Variants in TAS2R1 observed in about 807,000 individuals in gnomAD.
TAS2R1 encodes taste receptor type 2 member 1.
For synonymous variants in TAS2R1, 141 were observed against 134.2 expected (o/e 1.05, Z -0.35); for missense variants, 370 against 353.4 (o/e 1.05, Z -0.38).
the TAS2R1 span, among the ~76,000 whole-genome samples, chr5:9,831,088 AAAGAAG>A: frequency 1.3e-5 from 2 of 152,226 alleles, no homozygotes; most frequent in African/African-American, 4.8e-5. Context: ...ACATTTACAA[AAAGAAG>A]AAGGAAATCT....
At chr5:9,707,493 G>A (rs145793966) in intron 1 of TAS2R1, among the ~76,000 whole-genome samples, 10 of 152,310 alleles carry the variant, frequency 6.6e-5, no homozygotes, top group African/African-American at 2.4e-4. Flanking sequence ...GACCAGCCTG[G>A]CCAACATGGG....
chr5:9,627,582 G>C lies in TAS2R1; in HGVS notation c.*1551C>G, dbSNP rs1275637455. Among the ~76,000 whole-genome samples, 1 of 152,166 alleles carries C rather than the reference G, an allele frequency of 6.6e-6. No homozygotes were observed. The highest frequency in any genetic ancestry group is 2.4e-5 in the African/African-American group (1 of 41,444). On this transcript the variant is annotated 3_prime_UTR_variant, in exon 1 of 1. Coordinates refer to ENST00000382492, the MANE Select transcript of TAS2R1 (RefSeq NM_019599.3). ...CACTCTTTCAGGTACACGTATCACA[G>C]ATTCAAGGAACAGAATATTCTCTGA...
At chr5:9,704,208 G>A (rs929224259) in intron 1 of TAS2R1, among the ~76,000 whole-genome samples, 11 of 152,202 alleles carry the variant, frequency 7.2e-5, no homozygotes, top group Non-Finnish European at 1.5e-4. Flanking sequence ...GACCCCATGA[G>A]CTTAAGAGTA....
the TAS2R1 span, among the ~76,000 whole-genome samples, chr5:9,725,826 T>TCCAGTGCGGGATCCACTGGGTGAAGCC: frequency 5.3e-5 from 8 of 152,138 alleles, no homozygotes; most frequent in African/African-American, 1.9e-4. Context: ...CCTTTATGTC[T>TCCAGTGCGGGATCCACTGGGTGAAGCC]AGTTAAGGGA....
At chr5:9,777,441 T>C in the TAS2R1 span, among the ~76,000 whole-genome samples, 2 of 152,250 alleles carry the variant, frequency 1.3e-5, no homozygotes, top group Non-Finnish European at 2.9e-5. Flanking sequence ...GATCATGACA[T>C]TGAAGCAATT....
intron 2 of TAS2R1, among the ~76,000 whole-genome samples, chr5:9,648,790 C>T (rs184666102): frequency 1.3e-5 from 2 of 152,118 alleles, no homozygotes; most frequent in East Asian, 3.9e-4. Context: ...TACATATGGA[C>T]CTCAAGCCAA....
chr5:9,718,168 G>A, the TAS2R1 span, among the ~76,000 whole-genome samples: 57,783 of 148,026 alleles, frequency 0.39, 12,198 homozygotes, highest in African/African-American at 0.57. Context: ...ACGGTGTTTC[G>A]CCGTGTTGGC....
At chr5:9,771,199 A>G in the TAS2R1 span, among the ~76,000 whole-genome samples, 301 of 152,158 alleles carry the variant, frequency 2.0e-3, no homozygotes, top group Non-Finnish European at 2.3e-3. Flanking sequence ...TATCACATTG[A>G]TTGCCAGTGT....
At chr5:9,881,606 T>A in the TAS2R1 span, among the ~76,000 whole-genome samples, 1 of 152,170 alleles carries the variant, frequency 6.6e-6, no homozygotes, top group African/African-American at 2.4e-5. Context: ...AACTTCAAAC[T>A]ATATTACAAG....
chr5:9,828,132 A>T, the TAS2R1 span, among the ~76,000 whole-genome samples: 7 of 150,880 alleles, frequency 4.6e-5, no homozygotes, highest in Non-Finnish European at 8.9e-5. Context: ...TTATTTATTT[A>T]TTTATTTTTT....
At chr5:9,684,302 AAG>A (rs1211907370) in intron 1 of TAS2R1, among the ~76,000 whole-genome samples, 1 of 152,220 alleles carries the variant, frequency 6.6e-6, no homozygotes, top group Non-Finnish European at 1.5e-5. Flanking sequence ...CAAGCACAGA[AAG>A]AGAAATACCT....
the TAS2R1 span, among the ~76,000 whole-genome samples, chr5:9,808,801 T>C: frequency 1.1e-3 from 162 of 152,262 alleles, no homozygotes; most frequent in African/African-American, 3.7e-3. Context: ...AGTTCCTCCT[T>C]GGTCTCAAAG....
the TAS2R1 span, among the ~76,000 whole-genome samples, chr5:9,770,021 G>C: frequency 6.6e-6 from 1 of 151,972 alleles, no homozygotes; most frequent in Non-Finnish European, 1.5e-5. Context: ...TTTCCCCAAT[G>C]TTTTATTGTA....
chr5:9,872,927 C>T, the TAS2R1 span, among the ~76,000 whole-genome samples: 1 of 152,190 alleles, frequency 6.6e-6, no homozygotes, highest in East Asian at 1.9e-4. Context: ...ATCTGTCAGA[C>T]ATGCTCTGGC....
At chr5:9,827,594 G>A in the TAS2R1 span, among the ~76,000 whole-genome samples, 5 of 78,872 alleles carry the variant, frequency 6.3e-5, no homozygotes, top group East Asian at 2.2e-3. Flanking sequence ...GGGTGTGGTG[G>A]CATGCACACA....
chr5:9,830,276 T>C, the TAS2R1 span, among the ~76,000 whole-genome samples: 1 of 151,940 alleles, frequency 6.6e-6, no homozygotes, highest in Non-Finnish European at 1.5e-5. Flanking sequence ...TAGTTAGATA[T>C]AGACAGATGA....
At chr5:9,802,302 C>T in the TAS2R1 span, among the ~76,000 whole-genome samples, 84 of 152,238 alleles carry the variant, frequency 5.5e-4, no homozygotes, top group African/African-American at 1.8e-3. Flanking sequence ...AGCTCCTCTG[C>T]GTGGCTAGAC....
At position 9,672,132 on chromosome 5, in the gene TAS2R1, A is replaced by T. The variant is rs6873833; in HGVS notation, c.-241-12551T>A. 9.5e-3 allele frequency among the ~76,000 whole-genome samples: 1,454 copies of T among 152,298 alleles called. 24 individuals are homozygous for T. The highest frequency in any genetic ancestry group is 0.033 in the African/African-American group (1,384 of 41,566). ...GACCCCTTCCTTACATCATATACAAAATTTAACTGATGATAAATCCAAGAG... is the reference window on the plus strand; with the variant it reads ...GACCCCTTCCTTACATCATATACAATATTTAACTGATGATAAATCCAAGAG... On this transcript the variant is annotated intron_variant, in intron 1 of 2. Transcript: ENST00000506620.
the TAS2R1 span, among the ~76,000 whole-genome samples, chr5:9,825,390 T>TCAC: frequency 6.6e-6 from 1 of 152,110 alleles, no homozygotes. Flanking sequence ...TGAAACCTAC[T>TCAC]CACTATCATG....
Sources: gnomAD v4.1 joint callset for allele counts (sites outside exome capture counted in the v4.1 genomes callset) on GRCh38, gnomAD v4.1.1 for gene constraint, MANE v1.5 for transcripts, NCBI Gene and HGNC (gene_info 2026-07-23, HGNC 2026-07-21) for gene names.